The following IQCM variants were observed in gnomAD, a reference collection of about 807,000 sequenced individuals.
IQCM encodes the protein IQ motif containing M.
Under a neutral mutation model 57.6 loss-of-function variants are expected in IQCM, and 45 were observed. The observed-to-expected ratio is 0.78, with a 90% CI of 0.62 to 1.00. IQCM has a LOEUF of 1.00. Ranked by LOEUF, IQCM falls within the 50% of genes least tolerant of loss-of-function variation. The pLI is 0.00. For synonymous variants in IQCM, 148 were observed against 158.9 expected, an observed-to-expected ratio of 0.93 and a Z score of 0.51; for missense variants, 468 against 511.6, an observed-to-expected ratio of 0.91 and a Z score of 0.82.
intron 12 of IQCM, among the ~76,000 whole-genome samples, chr4:149,540,769 G>T (rs1188571941): frequency 6.6e-6 from 1 of 152,064 alleles, no homozygotes; most frequent in African/African-American, 2.4e-5. Flanking sequence ...TATAAGAACT[G>T]ACTACCTATT....
At chr4:149,713,050 A>G (rs1764695281) in intron 5 of IQCM, among the ~76,000 whole-genome samples, 1 of 152,206 alleles carries the variant, frequency 6.6e-6, no homozygotes, top group Admixed American at 6.5e-5. Context: ...AATCTAGATG[A>G]TAATAGGATT....
chr4:149,438,161 C>A (rs934465605), intron 12 of IQCM, among the ~76,000 whole-genome samples: 1 of 151,884 alleles, frequency 6.6e-6, no homozygotes, highest in Non-Finnish European at 1.5e-5. Flanking sequence ...TAGCCTAATC[C>A]TTTATCTTTA....
intron 12 of IQCM, among the ~76,000 whole-genome samples, chr4:149,440,025 C>T (rs761570396): frequency 1.3e-5 from 2 of 149,524 alleles, no homozygotes; most frequent in Non-Finnish European, 3.0e-5. Context: ...AGCGCAATCT[C>T]GGCTCACTGC....
At chr4:149,614,428 C>T (rs1385366896) in intron 8 of IQCM, among the ~76,000 whole-genome samples, 1 of 152,140 alleles carries the variant, frequency 6.6e-6, no homozygotes, top group Non-Finnish European at 1.5e-5. Context: ...TTCCCTCTAG[C>T]ATGCTGTGCT....
intron 12 of IQCM, among the ~76,000 whole-genome samples, chr4:149,468,173 G>A (rs534843091): frequency 2.6e-5 from 4 of 152,010 alleles, no homozygotes; most frequent in Non-Finnish European, 2.9e-5. Context: ...GGAGCTGGGC[G>A]GGGCATCGCC....
intron 8 of IQCM, among the ~76,000 whole-genome samples, chr4:149,612,920 CAA>C (rs1033598247): frequency 6.6e-6 from 1 of 151,524 alleles, no homozygotes; most frequent in African/African-American, 2.4e-5. Context: ...TTCAAAATGT[CAA>C]AAAAAATCAT....
intron 13 of IQCM, among the ~76,000 whole-genome samples, chr4:149,420,251 A>G (rs1415417527): frequency 6.6e-6 from 1 of 152,174 alleles, no homozygotes; most frequent in Non-Finnish European, 1.5e-5. Context: ...CCAAATGCCC[A>G]TCAATGATAG....
At chr4:149,355,198 G>T (rs1578766853) in intron 13 of IQCM, among the ~76,000 whole-genome samples, 1 of 151,762 alleles carries the variant, frequency 6.6e-6, no homozygotes. Context: ...ACAAATATAA[G>T]TACACATAAT....
intron 2 of IQCM, among the ~76,000 whole-genome samples, chr4:149,791,905 G>C (rs935173510): frequency 2.0e-5 from 3 of 152,052 alleles, no homozygotes; most frequent in Non-Finnish European, 4.4e-5. Flanking sequence ...TTAAATACCA[G>C]TAGAAAAAAT....
At chr4:149,613,274 A>G (rs1304944139) in intron 8 of IQCM, among the ~76,000 whole-genome samples, 1 of 152,126 alleles carries the variant, frequency 6.6e-6, no homozygotes, top group African/African-American at 2.4e-5. Flanking sequence ...AATATGTTTT[A>G]TATAATAAAA....
chr4:149,707,886 G>C (rs1764274240), intron 5 of IQCM, among the ~76,000 whole-genome samples: 2 of 151,974 alleles, frequency 1.3e-5, no homozygotes, highest in Non-Finnish European at 2.9e-5. Flanking sequence ...ATGCAAATTA[G>C]TGTATTTCAT....
chr4:149,505,895 GAAGCCGT>G (rs1743764227), intron 12 of IQCM, among the ~76,000 whole-genome samples: 1 of 152,164 alleles, frequency 6.6e-6, no homozygotes. Flanking sequence ...ACACTGGCCT[GAAGCCGT>G]AAGCAGAAGA....
At chr4:149,605,206 T>C (rs1435165461) in intron 8 of IQCM, among the ~76,000 whole-genome samples, 1 of 152,180 alleles carries the variant, frequency 6.6e-6, no homozygotes. Context: ...GAATGTGAAG[T>C]GGCCTCCAAA....
intron 13 of IQCM, among the ~76,000 whole-genome samples, chr4:149,417,834 T>TA (rs1156367532): frequency 6.6e-6 from 1 of 151,734 alleles, no homozygotes; most frequent in African/African-American, 2.4e-5. Flanking sequence ...TTTTTTTTTT[T>TA]TGGAAGGCAC....
At chr4:149,717,879 G>C (rs1765131948) in intron 5 of IQCM, among the ~76,000 whole-genome samples, 1 of 152,198 alleles carries the variant, frequency 6.6e-6, no homozygotes, top group Admixed American at 6.5e-5. Flanking sequence ...GTTTATGGTT[G>C]TCCCTTTCCT....
intron 2 of IQCM, among the ~76,000 whole-genome samples, chr4:149,812,100 C>G (rs1774617485): frequency 1.3e-5 from 2 of 152,122 alleles, no homozygotes; most frequent in Admixed American, 1.3e-4. Flanking sequence ...AAGTGAGCAG[C>G]AAAGTACTCT....
At chr4:149,789,561 T>C (rs537828235) in intron 2 of IQCM, among the ~76,000 whole-genome samples, 6 of 152,358 alleles carry the variant, frequency 3.9e-5, no homozygotes, top group African/African-American at 1.4e-4. Context: ...GGCTCATGTC[T>C]GTCATCCAAG....
chr4:149,519,627 C>T (rs890038715), intron 12 of IQCM, among the ~76,000 whole-genome samples: 1 of 151,642 alleles, frequency 6.6e-6, no homozygotes, highest in Non-Finnish European at 1.5e-5. Flanking sequence ...GCCTGGGCAA[C>T]AGAGCGAGAC....
chr4:149,784,806 A>G (rs1771933206), intron 2 of IQCM, among the ~76,000 whole-genome samples: 1 of 152,248 alleles, frequency 6.6e-6, no homozygotes, highest in South Asian at 2.1e-4. Flanking sequence ...ACTGCCTAAT[A>G]TGCATTTATT....
Sources: gnomAD v4.1 joint callset for allele counts (sites outside exome capture counted in the v4.1 genomes callset) on GRCh38, gnomAD v4.1.1 for gene constraint, MANE v1.5 for transcripts, NCBI Gene and HGNC (gene_info 2026-07-23, HGNC 2026-07-21) for gene names.